The following TASOR variants were observed in gnomAD, a reference collection of about 807,000 sequenced individuals.
TASOR encodes the protein transcription activation suppressor, also known as protein TASOR.
Under a neutral mutation model 178.6 loss-of-function variants are expected in TASOR, and 53 were observed. That is an observed-to-expected ratio of 0.30 (90% CI 0.24 to 0.37). The LOEUF is 0.37. Ranked by LOEUF, TASOR falls within the 10% of genes least tolerant of loss-of-function variation. The probability of loss-of-function intolerance (pLI) is 1.00; values close to 1 mark genes in which losing one functional copy is unlikely to be tolerated. For synonymous variants in TASOR, 713 were observed against 696.2 expected (o/e 1.02, Z -0.38); for missense variants, 1,815 against 1,971.4 (o/e 0.92, Z 1.50).
At chr3:56,681,254 T>C (rs929059772) in intron 1 of TASOR, among the ~76,000 whole-genome samples, 9 of 152,292 alleles carry the variant, frequency 5.9e-5, no homozygotes, top group African/African-American at 4.8e-5. Flanking sequence ...TCTCTACCAA[T>C]TGATTACACT....
At position 56,647,205 on chromosome 3, in the gene TASOR, T is replaced by C. The variant is rs761432133; in HGVS notation, c.1532A>G (p.Asn511Ser). The C allele has an allele frequency of 3.9e-6, 6 of 1,547,740 alleles. No individual in the cohort carries two copies. The African/African-American group carries it at 4.2e-5, about 11-fold the overall frequency. ...SIVTSQKGSTNAAPQERHESM... is the reference protein window; with the variant it reads ...SIVTSQKGSTSAAPQERHESM... The stretch of plus-strand genomic sequence containing the variant: ...CTCATGCCTCTCCTGTGGTGCTGCA[T>C]TGGTTGAACCTTTTTGTGCTGTAAA... The change falls in exon 14 of 24, where the codon AAT (asparagine) becomes AGT (serine). Residue 511 changes from asparagine to serine, a missense_variant. This residue lies in a region of TASOR where 504 missense variants were observed against 645.3 expected (regional missense o/e 0.78). Transcript: ENST00000683822.
At chr3:56,628,286 C>T (rs897500713) in intron 19 of TASOR, among the ~76,000 whole-genome samples, 1 of 152,196 alleles carries the variant, frequency 6.6e-6, no homozygotes, top group Non-Finnish European at 1.5e-5. Flanking sequence ...TCTTGACTAC[C>T]TGAGTGACAG....
At chr3:56,627,197 A>G (rs775291652) in intron 20 of TASOR, 52 bp from the exon 21 acceptor site, 2 of 1,062,172 alleles carry the variant, frequency 1.9e-6, no homozygotes, top group Admixed American at 4.3e-5. Context: ...TCATTCCATA[A>G]GTGAATTATG....
At position 56,621,405 on chromosome 3, in the gene TASOR, A is replaced by C; in HGVS notation, c.*1632T>G. On this transcript the variant is annotated 3_prime_UTR_variant, in exon 24 of 24. Transcript: ENST00000683822. The stretch of plus-strand genomic sequence containing the variant: ...GGTCTAGTACAAGCATTTCTGAAAA[A>C]ATTTTTGAATGACAAAATTTTATCC... The C allele has an allele frequency of 1.7e-6, 1 of 589,522 alleles. No individual in the cohort carries two copies. Among genetic ancestry groups the C allele is most frequent in the Non-Finnish European group, 2.9e-6 (1 of 342,794 alleles). 36.5% of individuals were successfully genotyped at this position (589,522 alleles called of 1,614,324 possible). A position where few individuals can be genotyped will look rare whatever the true frequency, so the allele number is the denominator to read the frequency against.
chr3:56,621,482 A>G lies in TASOR; in HGVS notation c.*1555T>C. On this transcript the variant is annotated 3_prime_UTR_variant, in exon 24 of 24. Transcript: ENST00000683822. ...TAATTCTAGTTTAACACAACATTGCAAGTCAGGTGTGCACATTTTACTAAC... is the reference window on the plus strand; with the variant it reads ...TAATTCTAGTTTAACACAACATTGCGAGTCAGGTGTGCACATTTTACTAAC... 8.8e-7 allele frequency: 1 copy of G among 1,137,434 alleles called. No individual in the cohort carries two copies. 70.5% of individuals were successfully genotyped at this position (1,137,434 alleles called of 1,614,324 possible).
intron 17 of TASOR, among the ~76,000 whole-genome samples, chr3:56,636,395 G>GTGT (rs201171998): frequency 0.049 from 7,395 of 152,018 alleles, 186 homozygotes; most frequent in East Asian, 0.09. Flanking sequence ...GTTGTTGGTG[G>GTGT]TGGTGGTGGT....
intron 2 of TASOR, 127 bp downstream of exon 2, chr3:56,673,453 A>C (rs2030951783): frequency 4.3e-6 from 3 of 690,770 alleles, no homozygotes; most frequent in Non-Finnish European, 6.5e-6. Context: ...AAAAAAAAAA[A>C]AAAAACTTGT....
In TASOR at chr3:56,628,402, T is replaced by C. The variant is rs752121152; in HGVS notation, c.3870+90A>G. The C allele has an allele frequency of 2.1e-4, 264 of 1,233,400 alleles. 1 individual carries two copies. The highest frequency in any genetic ancestry group is 2.5e-4 in the Non-Finnish European group (216 of 866,548). The allele number at this position is 1,233,400 out of a possible 1,614,324, so 76.4% of individuals were successfully genotyped here. A position where few individuals can be genotyped will look rare whatever the true frequency, so the allele number is the denominator to read the frequency against. ...CTTAAGTTTAATCTCCTTTAAAGCTTATTTTAAAAACACTAGTCTGGCAGA... is the reference window on the plus strand; with the variant it reads ...CTTAAGTTTAATCTCCTTTAAAGCTCATTTTAAAAACACTAGTCTGGCAGA... On this transcript the variant is annotated intron_variant, in intron 19 of 23. Transcript: ENST00000683822.
At position 56,669,742 on chromosome 3, in the gene TASOR, G is replaced by A; in HGVS notation, c.693C>T (p.Asp231=). 6.5e-7 allele frequency: 1 copy of A among 1,549,640 alleles called. No homozygotes were observed. Residue 231 remains aspartate, a synonymous_variant, in exon 5 of 24, where the codon GAC becomes GAT. Coordinates refer to ENST00000683822, the MANE Select transcript of TASOR (RefSeq NM_001365635.2). ...TAACAACATCACCCATTGCCCCCGT[G>A]TCCAAAGGATTCGCTTGTAATAAAT... ...YADLLQANPL[D]TGAMGDVVIF...
Position 56,646,646 on chromosome 3 carries a change from C to T in TASOR, c.2091G>A (p.Gly697=). ...LIQCRKKSVG[G]DSDTEDMRSK... ...TTCTCATATCTTCTGTGTCTGAGTC[C>T]CCACCCACACTCTTTTTCCTACACT... is the stretch of plus-strand genomic sequence containing the variant. Residue 697 remains glycine (G), a synonymous_variant, in exon 14 of 24, where the codon GGG becomes GGA. Transcript: ENST00000683822. 2 of 1,613,420 alleles carry T rather than the reference C, an allele frequency of 1.2e-6. No individual in the cohort carries two copies. The highest frequency in any genetic ancestry group is 1.6e-4 in the Middle Eastern group (1 of 6,062).
chr3:56,682,954 T>C lies in TASOR; in HGVS notation c.53A>G (p.Glu18Gly). ...EACQPTDASWESGGGGDDEMK... is the reference protein window; with the variant it reads ...EACQPTDASWGSGGGGDDEMK... The stretch of plus-strand genomic sequence containing the variant: ...CTCGTCGTCTCCGCCGCCGCCACTT[T>C]CCCAACTCGCATCCGTCGGCTGACA... Residue 18 changes from glutamate (E) to glycine (G), a missense_variant, in exon 1 of 24, where the codon GAA (glutamate) becomes GGA (glycine). Transcript: ENST00000683822. 1.3e-6 allele frequency: 2 copies of C among 1,549,624 alleles called. No homozygotes were observed. The highest frequency in any genetic ancestry group is 1.2e-5 in the South Asian group (1 of 84,028).
chr3:56,666,323 T>C lies in TASOR; in HGVS notation c.959A>G (p.Tyr320Cys), dbSNP rs2029964279. 1.3e-6 allele frequency: 2 copies of C among 1,547,336 alleles called. No homozygotes were observed. Among genetic ancestry groups the C allele is most frequent in the East Asian group, 2.5e-5 (1 of 40,804 alleles). Residue 320 changes from tyrosine to cysteine, a missense_variant, in exon 7 of 24, where the codon TAT (tyrosine) becomes TGT (cysteine). Physicochemically the swap from Tyr to Cys is radical, Grantham distance 194. Around this residue, in one of 5 missense-constraint regions of TASOR, gnomAD observed 504 missense variants for 645.3 expected, o/e 0.78. Transcript: ENST00000683822. ...TTTGTAAGTAAAAGACACAACTGCA[T>C]ATGGACAAACGTGTCTTGGTCTTCG... ...LRRRPRHVCP[Y>C]AVVSFTYKDD...
In TASOR at chr3:56,667,249, T is replaced by G. The variant is rs904310008; in HGVS notation, c.898-865A>C. On this transcript the variant is annotated intron_variant, in intron 6 of 23. Transcript: ENST00000683822. The stretch of plus-strand genomic sequence containing the variant: ...GCCCACAACAATAGTTCTTAAAATT[T>G]TATTTTACATAAATAAAGCAAAAAT... 4.6e-5 allele frequency among the ~76,000 whole-genome samples: 7 copies of G among 152,314 alleles called. 1 individual carries two copies. The highest frequency in any genetic ancestry group is 1.3e-4 in the Admixed American group (2 of 15,294).
chr3:56,648,145 A>AG (rs1293613648), intron 13 of TASOR, among the ~76,000 whole-genome samples: 8 of 151,180 alleles, frequency 5.3e-5, no homozygotes, highest in African/African-American at 1.9e-4. Flanking sequence ...AGGGAGGGCA[A>AG]GGCTGTATGT....
intron 17 of TASOR, among the ~76,000 whole-genome samples, chr3:56,635,027 C>T (rs926914010): frequency 7.9e-5 from 12 of 152,188 alleles, no homozygotes; most frequent in Middle Eastern, 3.2e-3. Context: ...TAACAAATTG[C>T]TGCTGTAGTA....
At chr3:56,638,084 C>A (rs1262864238) in intron 17 of TASOR, among the ~76,000 whole-genome samples, 2 of 151,934 alleles carry the variant, frequency 1.3e-5, no homozygotes, top group East Asian at 1.9e-4. Context: ...AAAGAAGAAA[C>A]CCAGGTTTGG....
At chr3:56,676,853 T>C (rs2031345171) in intron 1 of TASOR, among the ~76,000 whole-genome samples, 1 of 152,196 alleles carries the variant, frequency 6.6e-6, no homozygotes, top group South Asian at 2.1e-4. Flanking sequence ...ATGTCCAATG[T>C]ACTAAAAATG....
chr3:56,677,521 G>T (rs1053025073), intron 1 of TASOR, among the ~76,000 whole-genome samples: 1 of 152,176 alleles, frequency 6.6e-6, no homozygotes, highest in African/African-American at 2.4e-5. Flanking sequence ...CAAGGTTACA[G>T]GGTTAATGAA....
At chr3:56,626,491 C>G (rs2076801476) in intron 21 of TASOR, among the ~76,000 whole-genome samples, 1 of 152,062 alleles carries the variant, frequency 6.6e-6, no homozygotes, top group East Asian at 1.9e-4. Flanking sequence ...ACCTGTAATC[C>G]CAGCACTTTG....
Sources: allele counts gnomAD v4.1 joint callset (sites outside exome capture counted in the v4.1 genomes callset), GRCh38; gene constraint gnomAD v4.1.1; regional missense constraint gnomAD v4.1.1; transcripts MANE v1.5; gene names NCBI Gene and HGNC (gene_info 2026-07-23, HGNC 2026-07-21).